The following ERC2 variants were observed in gnomAD, a reference collection of about 807,000 sequenced individuals.
The protein encoded by ERC2 is ELKS/RAB6-interacting/CAST family member 2.
ERC2 carries 42 observed loss-of-function variants against 114.8 expected under a neutral mutation model. The ratio of observed to expected loss-of-function variants is 0.37; its 90% CI spans 0.29 to 0.47. The LOEUF (loss-of-function observed/expected upper bound fraction) is 0.47. ERC2 is among the 20% of genes least tolerant of loss of function. ERC2 has a pLI of 0.99. For synonymous variants in ERC2, 454 were observed against 425.5 expected (o/e 1.07, Z -0.82); for missense variants, 939 against 1,150.7 (o/e 0.82, Z 2.66).
intron 7 of ERC2, among the ~76,000 whole-genome samples, chr3:56,032,881 A>G (rs1402496776): frequency 3.7e-4 from 44 of 118,786 alleles, no homozygotes; most frequent in Middle Eastern, 3.7e-3. Flanking sequence ...GAAAGAAAGA[A>G]AGAAAGAGAG....
At chr3:55,734,171 G>C (rs1267361527) in intron 15 of ERC2, among the ~76,000 whole-genome samples, 1 of 152,186 alleles carries the variant, frequency 6.6e-6, no homozygotes, top group African/African-American at 2.4e-5. Flanking sequence ...GCCTAGAGGG[G>C]TGAAAACACA....
At chr3:56,274,281 C>G (rs1333119961) in intron 3 of ERC2, among the ~76,000 whole-genome samples, 4 of 152,256 alleles carry the variant, frequency 2.6e-5, no homozygotes, top group East Asian at 1.9e-4. Flanking sequence ...TGGGGTGAAA[C>G]AGCTTCATCT....
intron 17 of ERC2, among the ~76,000 whole-genome samples, chr3:55,513,363 C>T (rs1488965493): frequency 6.6e-6 from 1 of 152,220 alleles, no homozygotes. Flanking sequence ...CAAAGCTGAG[C>T]TTGCTTCTGC....
chr3:56,348,882 AGG>A (rs1271126837), intron 2 of ERC2, among the ~76,000 whole-genome samples: 3 of 49,484 alleles, frequency 6.1e-5, no homozygotes, highest in Non-Finnish European at 1.3e-4. Flanking sequence ...GAAGGAAGGA[AGG>A]AAGGAAGGAA....
At chr3:56,025,812 C>T (rs1404775327) in intron 7 of ERC2, among the ~76,000 whole-genome samples, 2 of 152,062 alleles carry the variant, frequency 1.3e-5, no homozygotes, top group African/African-American at 2.4e-5. Context: ...AATATGGGAA[C>T]CATTCTAGAA....
chr3:55,878,100 G>A (rs556610677), intron 14 of ERC2, among the ~76,000 whole-genome samples: 13 of 152,308 alleles, frequency 8.5e-5, no homozygotes, highest in Middle Eastern at 3.4e-3. Flanking sequence ...TGAAGATAGA[G>A]ATAACATGAA....
chr3:56,230,122 T>A (rs918434841), intron 3 of ERC2, among the ~76,000 whole-genome samples: 64 of 152,062 alleles, frequency 4.2e-4, no homozygotes, highest in African/African-American at 1.4e-3. Flanking sequence ...AGCCTCGGCC[T>A]CCCAAAGTGC....
At chr3:56,356,028 G>A (rs2058734454) in intron 2 of ERC2, among the ~76,000 whole-genome samples, 1 of 152,182 alleles carries the variant, frequency 6.6e-6, no homozygotes, top group African/African-American at 2.4e-5. Flanking sequence ...CAGCAGGTCA[G>A]CAGGGCTAGA....
chr3:56,113,129 T>C (rs1156378170), intron 6 of ERC2, among the ~76,000 whole-genome samples: 1 of 152,220 alleles, frequency 6.6e-6, no homozygotes, highest in Non-Finnish European at 1.5e-5. Context: ...GGGCCGAGCA[T>C]AGCAGTGCTA....
intron 14 of ERC2, among the ~76,000 whole-genome samples, chr3:55,769,503 G>C (rs1321929909): frequency 6.6e-6 from 1 of 151,962 alleles, no homozygotes; most frequent in Non-Finnish European, 1.5e-5. Flanking sequence ...GGATGCAAAG[G>C]TTTGCAGGTT....
At chr3:55,621,946 G>T (rs1486135140) in intron 17 of ERC2, among the ~76,000 whole-genome samples, 1 of 152,150 alleles carries the variant, frequency 6.6e-6, no homozygotes, top group Non-Finnish European at 1.5e-5. Flanking sequence ...ACTCCTGTGG[G>T]ACTTTGTATT....
intron 15 of ERC2, among the ~76,000 whole-genome samples, chr3:55,732,514 A>G (rs1384969875): frequency 2.0e-5 from 3 of 152,176 alleles, no homozygotes; most frequent in African/African-American, 7.2e-5. Flanking sequence ...CGTCGTAAAG[A>G]ATAAAGGCTT....
intron 4 of ERC2, among the ~76,000 whole-genome samples, chr3:56,156,924 G>C (rs2081755989): frequency 6.6e-6 from 1 of 152,048 alleles, no homozygotes; most frequent in Non-Finnish European, 1.5e-5. Context: ...TCCTCAGCTT[G>C]GGGGTAAGAA....
intron 2 of ERC2, among the ~76,000 whole-genome samples, chr3:56,339,537 C>G (rs764006070): frequency 6.6e-6 from 1 of 152,032 alleles, no homozygotes; most frequent in Non-Finnish European, 1.5e-5. Context: ...TTCACATAGG[C>G]AAAGGGAGCC....
chr3:56,266,047 A>AAATAT (rs2053275628), intron 3 of ERC2, among the ~76,000 whole-genome samples: 2 of 146,404 alleles, frequency 1.4e-5, no homozygotes, highest in African/African-American at 2.5e-5. Context: ...AAATAAAATA[A>AAATAT]AATAAAATAA....
chr3:56,244,688 T>C (rs527265363), intron 3 of ERC2, among the ~76,000 whole-genome samples: 5 of 152,230 alleles, frequency 3.3e-5, no homozygotes, highest in Non-Finnish European at 7.3e-5. Flanking sequence ...TATAGCTTTA[T>C]AAAATGTAAA....
intron 4 of ERC2, among the ~76,000 whole-genome samples, chr3:56,169,901 A>C (rs1347370877): frequency 6.6e-6 from 1 of 152,198 alleles, no homozygotes; most frequent in African/African-American, 2.4e-5. Flanking sequence ...TATAATAAAA[A>C]TAAGTTACAC....
chr3:56,226,844 A>G (rs1375555598), intron 3 of ERC2, among the ~76,000 whole-genome samples: 4 of 151,984 alleles, frequency 2.6e-5, no homozygotes, highest in Non-Finnish European at 4.4e-5. Context: ...TGGGCCTCTT[A>G]TTTTTTACCC....
Position 55,888,567 on chromosome 3 carries a change from C to A in ERC2, c.2404-18G>T. On this transcript the variant is annotated intron_variant, in intron 13 of 17. Transcript: ENST00000288221. ...TCCTCTATCTGAAAGGCACATGGAG[C>A]TCTGTGTGTTATTTCTCCTTCATTC... is the stretch of plus-strand genomic sequence containing the variant. The A allele has an allele frequency of 6.2e-7, 1 of 1,612,478 alleles. No homozygotes were observed. The highest frequency in any genetic ancestry group is 8.5e-7 in the Non-Finnish European group (1 of 1,178,704).
Sources: allele counts gnomAD v4.1 joint callset (sites outside exome capture counted in the v4.1 genomes callset), GRCh38; gene constraint gnomAD v4.1.1; transcripts MANE v1.5; gene names NCBI Gene and HGNC (gene_info 2026-07-23, HGNC 2026-07-21).